Variants in CNTNAP2 observed in about 807,000 individuals in gnomAD.
The protein encoded by CNTNAP2 is contactin-associated protein-like 2.
A neutral mutation model predicts 155.2 loss-of-function variants in CNTNAP2; 98 were observed. That is an observed-to-expected ratio of 0.63 (90% CI 0.54 to 0.75). The LOEUF is 0.75. Ranked by LOEUF, CNTNAP2 falls within the 30% of genes least tolerant of loss-of-function variation. The pLI is 0.00. For synonymous variants in CNTNAP2, 651 were observed against 631.2 expected, an observed-to-expected ratio of 1.03 and a Z score of -0.47; for missense variants, 1,727 against 1,688.1, an observed-to-expected ratio of 1.02 and a Z score of -0.40.
chr7:147,289,688 AT>A (rs1805258843), intron 8 of CNTNAP2, among the ~76,000 whole-genome samples: 1 of 152,220 alleles, frequency 6.6e-6, no homozygotes. Flanking sequence ...TTGGCTAGGA[AT>A]CAGTAATGGT....
intron 4 of CNTNAP2, among the ~76,000 whole-genome samples, chr7:147,049,618 A>T (rs1584805005): frequency 6.6e-6 from 1 of 152,186 alleles, no homozygotes; most frequent in South Asian, 2.1e-4. Context: ...GGTCTCAGCA[A>T]GGAGAAACAT....
chr7:147,469,771 G>A (rs999582737), intron 10 of CNTNAP2, among the ~76,000 whole-genome samples: 104 of 152,058 alleles, frequency 6.8e-4, no homozygotes, highest in African/African-American at 2.3e-3. Context: ...GCCCTCCTCG[G>A]CCTCCCAAAG....
chr7:146,638,024 G>A (rs1041874025), intron 1 of CNTNAP2, among the ~76,000 whole-genome samples: 3 of 152,144 alleles, frequency 2.0e-5, no homozygotes, highest in Non-Finnish European at 2.9e-5. Flanking sequence ...ATGTGCACCT[G>A]TTGCAGTAAC....
chr7:148,354,497 G>A (rs1445106881), intron 21 of CNTNAP2, among the ~76,000 whole-genome samples: 4 of 151,866 alleles, frequency 2.6e-5, no homozygotes, highest in Non-Finnish European at 5.9e-5. Context: ...AGACCCACTC[G>A]GACTTCAGGG....
intron 15 of CNTNAP2, among the ~76,000 whole-genome samples, chr7:148,102,995 T>C (rs1431267767): frequency 6.6e-6 from 1 of 152,174 alleles, no homozygotes; most frequent in Non-Finnish European, 1.5e-5. Flanking sequence ...ATACATTGGT[T>C]CTGTCCAGAA....
chr7:147,873,883 G>A (rs1799377492), intron 13 of CNTNAP2, among the ~76,000 whole-genome samples: 1 of 152,154 alleles, frequency 6.6e-6, no homozygotes, highest in Admixed American at 6.6e-5. Flanking sequence ...ATTCCAAATG[G>A]GAGAAATTGG....
chr7:147,348,388 G>GA (rs1182599414), intron 9 of CNTNAP2, among the ~76,000 whole-genome samples: 8 of 146,048 alleles, frequency 5.5e-5, no homozygotes, highest in South Asian at 2.1e-4. Context: ...AAAAAAAAAT[G>GA]AAAAAAAATT....
At chr7:146,516,552 T>C (rs1797544680) in intron 1 of CNTNAP2, among the ~76,000 whole-genome samples, 1 of 151,996 alleles carries the variant, frequency 6.6e-6, no homozygotes, top group African/African-American at 2.4e-5. Flanking sequence ...ATGTAGCAAG[T>C]GAGTTCATCA....
At chr7:147,388,758 C>A (rs1584918312) in intron 9 of CNTNAP2, among the ~76,000 whole-genome samples, 1 of 151,868 alleles carries the variant, frequency 6.6e-6, no homozygotes, top group African/African-American at 2.4e-5. Flanking sequence ...GTTTTTGTAT[C>A]TTTAGTAGAG....
chr7:146,836,116 C>A (rs563346967), intron 2 of CNTNAP2, among the ~76,000 whole-genome samples: 124 of 152,250 alleles, frequency 8.1e-4, no homozygotes, highest in Non-Finnish European at 1.4e-3. Flanking sequence ...GTAGTTACAT[C>A]GTTTGCACAT....
chr7:147,578,669 T>C (rs965267214), intron 12 of CNTNAP2, among the ~76,000 whole-genome samples: 9 of 152,250 alleles, frequency 5.9e-5, no homozygotes, highest in Non-Finnish European at 8.8e-5. Flanking sequence ...TCTACCATAG[T>C]GGAAAATTAT....
At position 147,108,176 on chromosome 7, in the gene CNTNAP2, G is replaced by A. The variant is rs753151283; in HGVS notation, c.580G>A (p.Val194Ile). 2 of 1,613,410 alleles carry A rather than the reference G, an allele frequency of 1.2e-6. No individual in the cohort carries two copies. Among genetic ancestry groups the A allele is most frequent in the Non-Finnish European group, 1.7e-6 (2 of 1,179,700 alleles). Residue 194 changes from valine (V) to isoleucine (I), a missense_variant, in exon 5 of 24, where the codon GTT becomes ATT. Coordinates refer to ENST00000361727, the MANE Select transcript of CNTNAP2 (RefSeq NM_014141.6). ...WADVINFDGH[V>I]VLPYRFRNKK... ...TGATGTTATCAACTTTGATGGCCATGTTGTATTACCATATAGATTCAGAAA... is the reference window on the plus strand; with the variant it reads ...TGATGTTATCAACTTTGATGGCCATATTGTATTACCATATAGATTCAGAAA...
intron 10 of CNTNAP2, among the ~76,000 whole-genome samples, chr7:147,454,804 A>G (rs572383517): frequency 1.3e-5 from 2 of 152,154 alleles, no homozygotes; most frequent in Admixed American, 1.3e-4. Context: ...CTGAAAGGTC[A>G]GGGCTCATGA....
intron 13 of CNTNAP2, among the ~76,000 whole-genome samples, chr7:147,830,174 A>T (rs1334133333): frequency 6.6e-6 from 1 of 151,932 alleles, no homozygotes; most frequent in Non-Finnish European, 1.5e-5. Context: ...AAAAAAAAAA[A>T]AAAAACATAA....
intron 1 of CNTNAP2, among the ~76,000 whole-genome samples, chr7:146,464,671 A>C (rs1191704330): frequency 2.0e-5 from 3 of 152,174 alleles, no homozygotes; most frequent in Admixed American, 6.5e-5. Context: ...TTAATACTGA[A>C]CACGTTATTC....
chr7:146,779,191 C>T (rs886778375), intron 2 of CNTNAP2, among the ~76,000 whole-genome samples: 5 of 152,126 alleles, frequency 3.3e-5, no homozygotes, highest in African/African-American at 1.2e-4. Context: ...TGTATCATTC[C>T]AGTTCTAATG....
At chr7:147,505,944 C>A (rs1243547320) in intron 11 of CNTNAP2, among the ~76,000 whole-genome samples, 1 of 152,140 alleles carries the variant, frequency 6.6e-6, no homozygotes, top group Non-Finnish European at 1.5e-5. Context: ...TCTTTCCCTC[C>A]CCTTGTCAAG....
intron 8 of CNTNAP2, among the ~76,000 whole-genome samples, chr7:147,272,796 T>C (rs887209513): frequency 6.6e-5 from 10 of 152,060 alleles, no homozygotes; most frequent in Admixed American, 3.3e-4. Context: ...CGTGAGCCAC[T>C]GCGCCTGGCC....
intron 1 of CNTNAP2, among the ~76,000 whole-genome samples, chr7:146,503,553 T>C (rs1321276531): frequency 1.3e-5 from 2 of 152,238 alleles, no homozygotes. Flanking sequence ...TTCAGAGTTT[T>C]AGGTCTTACA....
Sources: gnomAD v4.1 joint callset for allele counts (sites outside exome capture counted in the v4.1 genomes callset) on GRCh38, gnomAD v4.1.1 for gene constraint, MANE v1.5 for transcripts, NCBI Gene and HGNC (gene_info 2026-07-23, HGNC 2026-07-21) for gene names.